DNMT3B: variants seen among roughly 807,000 people sequenced by gnomAD.
DNMT3B encodes DNA methyltransferase 3 beta, also known as DNA (cytosine-5)-methyltransferase 3B.
A neutral mutation model predicts 120.2 loss-of-function variants in DNMT3B; 37 were observed. The observed-to-expected ratio is 0.31, with a 90% CI of 0.24 to 0.40. The LOEUF is 0.40. DNMT3B is among the 10% of genes least tolerant of loss of function. DNMT3B has a pLI of 1.00. For missense variants in DNMT3B, 878 were observed against 1,137.3 expected (o/e 0.77, Z 3.28); for synonymous variants, 412 against 442.8 (o/e 0.93, Z 0.87).
intron 10 of DNMT3B, among the ~76,000 whole-genome samples, chr20:32,794,697 A>G (rs1315088162): frequency 3.3e-5 from 5 of 152,134 alleles, no homozygotes; most frequent in Admixed American, 2.0e-4. Flanking sequence ...TTAGCGCTAA[A>G]TTTCCAAGAT....
intron 1 of DNMT3B, among the ~76,000 whole-genome samples, chr20:32,776,856 T>C (rs2048118278): frequency 6.6e-6 from 1 of 150,704 alleles, no homozygotes; most frequent in South Asian, 2.1e-4. Context: ...GTGTAGGGAG[T>C]TGGGGAGGGC....
At position 32,806,344 on chromosome 20, in the gene DNMT3B, T is replaced by G; in HGVS notation, c.2420+17T>G. ...GCTCGAAAGGTGAGCAAGGCTGCAC[T>G]TGGAGAGGGAAACTGTGTAGATCAA... On this transcript the variant is annotated intron_variant, in intron 22 of 22. Coordinates refer to ENST00000328111, the MANE Select transcript of DNMT3B (RefSeq NM_006892.4). The G allele has an allele frequency of 6.2e-7, 1 of 1,610,970 alleles. No individual in the cohort carries two copies.
rs1208508674 is a variant in DNMT3B, at chr20:32,765,750, C to CTTTTTTTTTTTTTTTTTT, written c.-7+3058_-7+3059insTTTTTTTTTTTTTTTTTT. Among the ~76,000 whole-genome samples, 3 of 108,440 alleles carry CTTTTTTTTTTTTTTTTTT rather than the reference C, an allele frequency of 2.8e-5. 1 individual carries two copies. The highest frequency in any genetic ancestry group is 6.2e-4 in the South Asian group (2 of 3,226). 71.1% of individuals were successfully genotyped at this position (108,440 alleles called of 152,430 possible). A position where few individuals can be genotyped will look rare whatever the true frequency, so the allele number is the denominator to read the frequency against. On this transcript the variant is annotated intron_variant, in intron 1 of 22. Coordinates refer to ENST00000328111, the MANE Select transcript of DNMT3B (RefSeq NM_006892.4). ...TTATTTATTTATTTATTTATTTTTT[C>CTTTTTTTTTTTTTTTTTT]TTTTTTTCTTTTTTTTTTTTTTTGA...
chr20:32,780,469 G>C lies in DNMT3B; in HGVS notation c.142+4G>C, dbSNP rs748967232. 6.2e-7 allele frequency: 1 copy of C among 1,611,638 alleles called. No individual in the cohort carries two copies. Among genetic ancestry groups the C allele is most frequent in the Admixed American group, 1.7e-5 (1 of 59,966 alleles). ...ATCCGCACCCCGGAGATCAGAGGTGGCTGGGCAGTGGGGACTGGGGTGGTG... is the reference window on the plus strand; with the variant it reads ...ATCCGCACCCCGGAGATCAGAGGTGCCTGGGCAGTGGGGACTGGGGTGGTG... On this transcript the variant is annotated splice_donor_region_variant and intron_variant, in intron 2 of 22. Coordinates refer to ENST00000328111, the MANE Select transcript of DNMT3B (RefSeq NM_006892.4).
intron 1 of DNMT3B, among the ~76,000 whole-genome samples, chr20:32,767,500 G>A (rs1403954652): frequency 6.6e-6 from 1 of 151,984 alleles, no homozygotes; most frequent in Admixed American, 6.6e-5. Flanking sequence ...TGCGATCATA[G>A]CTCACTGCAG....
At chr20:32,789,474 A>G (rs1190513270) in intron 7 of DNMT3B, among the ~76,000 whole-genome samples, 1 of 152,192 alleles carries the variant, frequency 6.6e-6, no homozygotes, top group Non-Finnish European at 1.5e-5. Flanking sequence ...TGGGTATTTC[A>G]GAGTCTCTTG....
chr20:32,784,168 C>T (rs752541725), intron 3 of DNMT3B, among the ~76,000 whole-genome samples: 3 of 152,136 alleles, frequency 2.0e-5, no homozygotes, highest in African/African-American at 7.2e-5. Context: ...CCACCCGCGT[C>T]GGCCTCCCAA....
intron 14 of DNMT3B, 140 bp downstream of exon 14, chr20:32,797,439 G>C (rs1568852995): frequency 2.6e-6 from 2 of 773,842 alleles, no homozygotes; most frequent in Non-Finnish European, 4.1e-6. Context: ...CAGCACACAG[G>C]GTTTATATTT....
intron 1 of DNMT3B, among the ~76,000 whole-genome samples, chr20:32,778,098 G>A (rs371415287): frequency 5.9e-5 from 9 of 152,330 alleles, no homozygotes; most frequent in Admixed American, 3.9e-4. Flanking sequence ...CAGCACTTTG[G>A]TAGGCTGAGG....
intron 1 of DNMT3B, among the ~76,000 whole-genome samples, chr20:32,779,194 C>G: frequency 6.6e-6 from 1 of 152,126 alleles, no homozygotes; most frequent in Non-Finnish European, 1.5e-5. Flanking sequence ...CTCATTATGC[C>G]TAGGCTTTTA....
intron 5 of DNMT3B, among the ~76,000 whole-genome samples, chr20:32,786,999 A>G (rs1057369280): frequency 2.6e-5 from 4 of 152,152 alleles, no homozygotes; most frequent in Non-Finnish European, 5.9e-5. Flanking sequence ...GTCCCTCGTC[A>G]TTACCCATCA....
chr20:32,796,792 G>A lies in DNMT3B; in HGVS notation c.1300G>A (p.Gly434Ser). Residue 434 changes from glycine (G) to serine (S), a missense_variant and splice_region_variant, in exon 13 of 23, where the codon GGC (glycine) becomes AGC (serine). Transcript: ENST00000328111. The stretch of plus-strand genomic sequence containing the variant: ...CCACAACCCTGTTTTTCTTACAGAT[G>A]GCTGTTTGTCTTGTGGCAGGAAAAA... ...VANNKSSLED[G>S]CLSCGRKNPV... The A allele has an allele frequency of 6.2e-7, 1 of 1,614,224 alleles. No individual in the cohort carries two copies. Among genetic ancestry groups the A allele is most frequent in the Non-Finnish European group, 8.5e-7 (1 of 1,180,042 alleles).
chr20:32,792,349 G>C lies in DNMT3B; in HGVS notation c.922-277G>C, dbSNP rs189628914. 3.2e-3 allele frequency among the ~76,000 whole-genome samples: 481 copies of C among 152,308 alleles called. 2 individuals are homozygous for C. Among genetic ancestry groups the C allele is most frequent in the Admixed American group, 5.3e-3 (81 of 15,310 alleles). On this transcript the variant is annotated intron_variant, in intron 8 of 22. Coordinates refer to ENST00000328111, the MANE Select transcript of DNMT3B (RefSeq NM_006892.4). ...TGGTAGAGTTAATTCTGATATGTCT[G>C]CCTTTTGAGTGGGAGGTGACCACTG...
chr20:32,765,829 C>G (rs1987331613), intron 1 of DNMT3B, among the ~76,000 whole-genome samples: 1 of 146,018 alleles, frequency 6.8e-6, no homozygotes, highest in Non-Finnish European at 1.5e-5. Flanking sequence ...GATCTCCGCT[C>G]ACTGCAAGCT....
intron 10 of DNMT3B, among the ~76,000 whole-genome samples, chr20:32,795,115 A>G (rs1218617279): frequency 1.3e-5 from 2 of 152,198 alleles, no homozygotes; most frequent in Non-Finnish European, 2.9e-5. Flanking sequence ...AGACATGGGT[A>G]TGCCAGGCTT....
At chr20:32,793,778 ATCCT>A (rs1434955766) in intron 10 of DNMT3B, among the ~76,000 whole-genome samples, 183 bp downstream of exon 10, 77 of 152,250 alleles carry the variant, frequency 5.1e-4, no homozygotes, top group Middle Eastern at 3.4e-3. Flanking sequence ...TGGGTTGCAC[ATCCT>A]TCCAGATTTT....
chr20:32,768,269 C>T (rs1268389225), intron 1 of DNMT3B, among the ~76,000 whole-genome samples: 1 of 137,064 alleles, frequency 7.3e-6, no homozygotes. Flanking sequence ...GATCTCGGCT[C>T]ACCACAACCC....
chr20:32,804,521 G>A (rs907301570), intron 20 of DNMT3B, among the ~76,000 whole-genome samples: 1 of 152,144 alleles, frequency 6.6e-6, no homozygotes, highest in African/African-American at 2.4e-5. Flanking sequence ...TCCTAACACA[G>A]GTTACTATGG....
chr20:32,800,281 A>G lies in DNMT3B; in HGVS notation c.1888A>G (p.Asn630Asp). The change falls in exon 17 of 23, where the codon AAC becomes GAC. Residue 630 changes from asparagine (N) to aspartate (D), a missense_variant. Coordinates refer to ENST00000328111, the MANE Select transcript of DNMT3B (RefSeq NM_006892.4). ...TATCAAATACGTGAACGACGTGAGG[A>G]ACATCACAAAGAAAAATGTGAGGGC... ...GNIKYVNDVR[N>D]ITKKNIEEWG... 1.2e-6 allele frequency: 2 copies of G among 1,614,192 alleles called. No individual in the cohort carries two copies. Among genetic ancestry groups the G allele is most frequent in the Non-Finnish European group, 1.7e-6 (2 of 1,180,034 alleles).
Sources: allele counts gnomAD v4.1 joint callset (sites outside exome capture counted in the v4.1 genomes callset), GRCh38; gene constraint gnomAD v4.1.1; transcripts MANE v1.5; gene names NCBI Gene and HGNC (gene_info 2026-07-23, HGNC 2026-07-21).